The following TRAPPC9 variants were observed in gnomAD, a reference collection of about 807,000 sequenced individuals.
TRAPPC9 encodes IKK2 binding protein.
TRAPPC9 carries 83 observed loss-of-function variants against 124.0 expected under a neutral mutation model. The ratio of observed to expected loss-of-function variants is 0.67; its 90% confidence interval spans 0.56 to 0.80. The LOEUF (loss-of-function observed/expected upper bound fraction) is 0.80. Ranked by LOEUF, TRAPPC9 falls within the 30% of genes least tolerant of loss-of-function variation. TRAPPC9 has a pLI of 0.00. For missense variants in TRAPPC9, 1,302 were observed against 1,508.3 expected (o/e 0.86, Z 2.27); for synonymous variants, 638 against 617.5 (o/e 1.03, Z -0.49).
In TRAPPC9 at chr8:140,370,989, C is replaced by A. The variant is rs145960296; in HGVS notation, c.1326G>T (p.Ser442=). Residue 442 remains serine (S), a synonymous_variant, in exon 8 of 23, where the codon TCG becomes TCT. Coordinates refer to ENST00000438773, the MANE Select transcript of TRAPPC9 (RefSeq NM_001160372.4). The part of the protein sequence containing the change: ...LLETLPGYSL[S]LDPKDFSRGT... ...CTCTGCTGAAATCTTTGGGATCCAG[C>A]GACAGACTGTAGCCGGGCAGCGTTT... The A allele has an allele frequency of 6.2e-7, 1 of 1,614,118 alleles. No individual in the cohort carries two copies. Among genetic ancestry groups the A allele is most frequent in the East Asian group, 2.2e-5 (1 of 44,892 alleles).
At chr8:140,367,203 A>C (rs2132219567) in intron 8 of TRAPPC9, among the ~76,000 whole-genome samples, 1 of 152,354 alleles carries the variant, frequency 6.6e-6, no homozygotes, top group East Asian at 1.9e-4. Flanking sequence ...CATATCATCC[A>C]GGAACCATGC....
intron 17 of TRAPPC9, among the ~76,000 whole-genome samples, chr8:140,136,819 C>A (rs2061312016): frequency 6.6e-6 from 1 of 152,128 alleles, no homozygotes; most frequent in Non-Finnish European, 1.5e-5. Flanking sequence ...CTGTGCCACA[C>A]CCTGGGTACA....
intron 15 of TRAPPC9, among the ~76,000 whole-genome samples, chr8:140,266,629 C>A (rs147282914): frequency 1.3e-5 from 2 of 151,862 alleles, no homozygotes; most frequent in East Asian, 1.9e-4. Flanking sequence ...GAGGCCAAGG[C>A]GGGTGGATTA....
chr8:139,950,430 C>T (rs1262301576), intron 19 of TRAPPC9, among the ~76,000 whole-genome samples: 2 of 152,336 alleles, frequency 1.3e-5, no homozygotes, highest in East Asian at 3.9e-4. Context: ...GGTTGGGGAA[C>T]TTGTCCAGAG....
rs545398884 is a variant in TRAPPC9, at chr8:139,986,685, T to C, written c.2810+2041A>G. Among the ~76,000 whole-genome samples the C allele has an allele frequency of 8.5e-5, 13 of 152,304 alleles. No homozygotes were observed. In the South Asian group the frequency reaches 2.7e-3, roughly 32 times the overall value. The stretch of plus-strand genomic sequence containing the variant: ...CCAGTGTGCATATCATTAACAGAGC[T>C]CAACACTGGCTTAGTTTTTCCTTCT... On this transcript the variant is annotated intron_variant, in intron 19 of 22. Transcript: ENST00000438773.
At chr8:140,435,425 T>C (rs2070780902) in intron 3 of TRAPPC9, among the ~76,000 whole-genome samples, 185 bp from the exon 4 acceptor site, 1 of 152,212 alleles carries the variant, frequency 6.6e-6, no homozygotes, top group African/African-American at 2.4e-5. Flanking sequence ...ATCACTAGTT[T>C]TTTGCAAATG....
At position 139,730,659 on chromosome 8, in the gene TRAPPC9, A is replaced by C; in HGVS notation, c.*402T>G. ...GGCTGTGCCCAGTCTCATGCTCACC[A>C]TTTCTTTCTATGGCCAAAGGGAAGT... On this transcript the variant is annotated 3_prime_UTR_variant, in exon 23 of 23. Coordinates refer to ENST00000438773, the MANE Select transcript of TRAPPC9 (RefSeq NM_001160372.4). The C allele has an allele frequency of 4.3e-6, 1 of 234,286 alleles. No individual in the cohort carries two copies. Among genetic ancestry groups the C allele is most frequent in the Non-Finnish European group, 8.5e-6 (1 of 118,314 alleles). The allele number at this position is 234,286 out of a possible 1,614,324, so 14.5% of individuals were successfully genotyped here.
At chr8:139,918,635 C>T (rs1347832035) in intron 19 of TRAPPC9, among the ~76,000 whole-genome samples, 1 of 152,236 alleles carries the variant, frequency 6.6e-6, no homozygotes, top group Admixed American at 6.5e-5. Flanking sequence ...GTGGAAGTGC[C>T]CGACATCGGG....
At position 140,171,090 on chromosome 8, in the gene TRAPPC9, T is replaced by A. The variant is rs144833580; in HGVS notation, c.2556+50369A>T. ...AGAGTTGAGAGATGATGTCTGAAAC[T>A]GAAAACAAACCTCCATCTGCACTTT... On this transcript the variant is annotated intron_variant, in intron 17 of 22. Coordinates refer to ENST00000438773, the MANE Select transcript of TRAPPC9 (RefSeq NM_001160372.4). Among the ~76,000 whole-genome samples the A allele has an allele frequency of 1.2e-4, 19 of 152,320 alleles. 1 individual carries two copies. In the East Asian group the frequency reaches 3.7e-3, roughly 29 times the overall value.
At chr8:140,142,823 G>A (rs1449907093) in intron 17 of TRAPPC9, among the ~76,000 whole-genome samples, 1 of 152,184 alleles carries the variant, frequency 6.6e-6, no homozygotes, top group African/African-American at 2.4e-5. Flanking sequence ...TTGTAAAGAG[G>A]CATAATGAAA....
intron 13 of TRAPPC9, 59 bp from the exon 14 acceptor site, chr8:140,284,080 G>A (rs555775696): frequency 7.7e-5 from 124 of 1,608,588 alleles, no homozygotes; most frequent in Middle Eastern, 5.3e-4. Context: ...TCACGCCCAC[G>A]GCTGAAGCAG....
At chr8:139,882,281 A>G (rs2131096106) in intron 21 of TRAPPC9, among the ~76,000 whole-genome samples, 1 of 152,200 alleles carries the variant, frequency 6.6e-6, no homozygotes, top group East Asian at 1.9e-4. Flanking sequence ...GCCATGGGAG[A>G]GGTCCATGCC....
In TRAPPC9 at chr8:139,761,669, A is replaced by ATCCTC. The variant is rs1820235423; in HGVS notation, c.3056-29472_3056-29468dup. Among the ~76,000 whole-genome samples, 11 of 151,822 alleles carry ATCCTC rather than the reference A, an allele frequency of 7.2e-5. No homozygotes were observed. In the South Asian group the frequency reaches 2.1e-3, roughly 29 times the overall value. On this transcript the variant is annotated intron_variant, in intron 21 of 22. Transcript: ENST00000438773. ...ACAGCAAACTTGATGACCTTGCCCC[A>ATCCTC]TCCTCCACTTCCTGGCTCCAGGTGC...
chr8:139,837,747 A>G (rs59203970), intron 21 of TRAPPC9, among the ~76,000 whole-genome samples: 18,023 of 151,758 alleles, frequency 0.12, 1,145 homozygotes, highest in African/African-American at 0.15. Flanking sequence ...CCTTCCAGGC[A>G]CCCAACCCAG....
chr8:140,096,161 C>G (rs1487548615), intron 17 of TRAPPC9: 1 of 152,202 alleles, frequency 6.6e-6, no homozygotes, highest in Non-Finnish European at 1.5e-5. Flanking sequence ...AACCAAGCCT[C>G]CACAAAGACA....
intron 7 of TRAPPC9, among the ~76,000 whole-genome samples, chr8:140,378,548 T>G (rs2068514833): frequency 6.6e-6 from 1 of 152,222 alleles, no homozygotes; most frequent in African/African-American, 2.4e-5. Flanking sequence ...TGTAATCATG[T>G]GAGTTAATAC....
intron 8 of TRAPPC9, among the ~76,000 whole-genome samples, chr8:140,363,067 TTTCAC>T (rs2068004419): frequency 6.6e-6 from 1 of 152,212 alleles, no homozygotes; most frequent in African/African-American, 2.4e-5. Context: ...TAATCAAAAA[TTTCAC>T]CAATTTGGAG....
In TRAPPC9 at chr8:139,728,911, T is replaced by G. The variant is rs1164742180; in HGVS notation, c.*2150A>C. Among the ~76,000 whole-genome samples the G allele has an allele frequency of 6.6e-6, 1 of 152,238 alleles. No homozygotes were observed. The highest frequency in any genetic ancestry group is 1.5e-5 in the Non-Finnish European group (1 of 68,044). On this transcript the variant is annotated 3_prime_UTR_variant, in exon 23 of 23. Transcript: ENST00000438773. ...AAAAAATATAGAAAACTGCAAGAAA[T>G]AATTACAGTCACCAATATGCTTGCC...
chr8:139,843,596 G>A (rs543894181), intron 21 of TRAPPC9, among the ~76,000 whole-genome samples: 1 of 152,162 alleles, frequency 6.6e-6, no homozygotes, highest in Non-Finnish European at 1.5e-5. Flanking sequence ...TAATCACCAG[G>A]GTCCTTAAAA....
Sources: allele counts gnomAD v4.1 joint callset (sites outside exome capture counted in the v4.1 genomes callset), GRCh38; gene constraint gnomAD v4.1.1; transcripts MANE v1.5; gene names NCBI Gene and HGNC (gene_info 2026-07-23, HGNC 2026-07-21).